Variants in BLZF1 observed in about 807,000 individuals in gnomAD.
BLZF1 encodes the protein golgin-45.
Under a neutral mutation model 43.8 loss-of-function variants are expected in BLZF1, and 39 were observed. The observed-to-expected ratio is 0.89, with a 90% CI of 0.69 to 1.16. The LOEUF is 1.16. Among genes scored for constraint, BLZF1 ranks in the 50% most tolerant of loss-of-function variants. The pLI, the probability that BLZF1 is intolerant of heterozygous loss-of-function variation, is 0.00. For missense variants in BLZF1, 449 were observed against 469.8 expected (o/e 0.96, Z 0.41); for synonymous variants, 136 against 159.4 (o/e 0.85, Z 1.11).
intron 6 of BLZF1, among the ~76,000 whole-genome samples, chr1:169,383,061 T>C (rs1654572809): frequency 6.6e-6 from 1 of 152,204 alleles, no homozygotes; most frequent in South Asian, 2.1e-4. Context: ...ATAAGTGCCT[T>C]ACTGCCTTAT....
downstream of BLZF1, among the ~76,000 whole-genome samples, chr1:169,390,391 C>CAGTT (rs1223843691): frequency 6.6e-6 from 1 of 152,062 alleles, no homozygotes; most frequent in Non-Finnish European, 1.5e-5. Flanking sequence ...AAGAAGTCAA[C>CAGTT]AGTTAGTTCT....
At chr1:169,383,688 C>G (rs1654589135) in intron 6 of BLZF1, among the ~76,000 whole-genome samples, 1 of 152,092 alleles carries the variant, frequency 6.6e-6, no homozygotes, top group South Asian at 2.1e-4. Flanking sequence ...ATCACTCTTT[C>G]TTGGCCCTGA....
downstream of BLZF1, among the ~76,000 whole-genome samples, chr1:169,388,745 G>C (rs1188401016): frequency 6.6e-6 from 1 of 152,156 alleles, no homozygotes; most frequent in African/African-American, 2.4e-5. Flanking sequence ...AGCACTTTGG[G>C]AGGCTGAGGC....
At chr1:169,386,016 T>C (rs1290207625) in intron 6 of BLZF1, among the ~76,000 whole-genome samples, 2 of 152,156 alleles carry the variant, frequency 1.3e-5, no homozygotes, top group Admixed American at 6.5e-5. Flanking sequence ...ACTGGGAAAA[T>C]AGGAACATGA....
At chr1:169,377,719 A>G (rs1192109381) in intron 3 of BLZF1, among the ~76,000 whole-genome samples, 1 of 152,032 alleles carries the variant, frequency 6.6e-6, no homozygotes, top group African/African-American at 2.4e-5. Flanking sequence ...ATTTAGTGTC[A>G]CAACCCACTT....
At chr1:169,370,618 G>A (rs1557845047) in intron 2 of BLZF1, among the ~76,000 whole-genome samples, 1 of 152,174 alleles carries the variant, frequency 6.6e-6, no homozygotes, top group African/African-American at 2.4e-5. Context: ...CAAGTGGTCG[G>A]TAGGCAAATA....
At chr1:169,378,601 A>C in intron 4 of BLZF1, 72 bp downstream of exon 4, 1 of 1,446,706 alleles carries the variant, frequency 6.9e-7, no homozygotes, top group Non-Finnish European at 9.6e-7. Flanking sequence ...ATAACACAAG[A>C]AAGTAGATTG....
chr1:169,382,816 C>CT (rs1414223213), intron 6 of BLZF1, among the ~76,000 whole-genome samples: 2 of 152,188 alleles, frequency 1.3e-5, no homozygotes, highest in African/African-American at 2.4e-5. Flanking sequence ...GGGTCCCTGC[C>CT]TGTCGCCATA....
intron 3 of BLZF1, among the ~76,000 whole-genome samples, chr1:169,377,816 C>A (rs945743477): frequency 1.1e-4 from 16 of 151,894 alleles, no homozygotes. Flanking sequence ...AATAGCTATA[C>A]CATATACCAA....
chr1:169,369,575 T>A (rs774758800), intron 2 of BLZF1, 25 bp downstream of exon 2: 1 of 1,556,190 alleles, frequency 6.4e-7, no homozygotes, highest in South Asian at 1.1e-5. Flanking sequence ...TATAATTGTT[T>A]TTAAAACATG....
intron 3 of BLZF1, 52 bp from the exon 4 acceptor site, chr1:169,378,278 A>C: frequency 2.0e-6 from 3 of 1,533,980 alleles, no homozygotes; most frequent in Non-Finnish European, 2.7e-6. Flanking sequence ...TTGTTACATT[A>C]AAGTTAGTGA....
Position 169,376,810 on chromosome 1 carries a change from A to C in BLZF1, c.299A>C (p.Lys100Thr). The change falls in exon 3 of 7, where the codon AAG becomes ACG. Residue 100 changes from lysine (K) to threonine (T), a missense_variant. Coordinates refer to ENST00000367808, the MANE Select transcript of BLZF1 (RefSeq NM_001320973.2). ...ATCCCCAACAAAAATACAAAGGTTA[A>C]GTCTCTGGGACATCATAAAGGAGAA... is the stretch of plus-strand genomic sequence containing the variant. ...HDIPNKNTKV[K>T]SLGHHKGEFL... 1 of 1,613,486 alleles carries C rather than the reference A, an allele frequency of 6.2e-7. No homozygotes were observed. The highest frequency in any genetic ancestry group is 1.1e-5 in the South Asian group (1 of 91,062).
At chr1:169,382,427 A>G in intron 6 of BLZF1, 146 bp downstream of exon 6, 1 of 677,244 alleles carries the variant, frequency 1.5e-6, no homozygotes, top group East Asian at 2.7e-5. Context: ...ATCTTGGAGA[A>G]AATTATTTCC....
chr1:169,378,410 GAA>G lies in BLZF1; in HGVS notation c.553_554del (p.Asn185SerfsTer7). The G allele has an allele frequency of 2.5e-6, 4 of 1,612,994 alleles. No homozygotes were observed. The highest frequency in any genetic ancestry group is 3.4e-6 in the Non-Finnish European group (4 of 1,179,184). On this transcript the variant is annotated frameshift_variant, in exon 4 of 7. Transcript: ENST00000367808. LOFTEE classifies it high-confidence loss of function. ...ATCACTTTGAACGTCTAGCCCGTGAGAAAAATCAGCTTATTTTAGAAAATGAA... is the reference window on the plus strand; with the variant it reads ...ATCACTTTGAACGTCTAGCCCGTGAGAAATCAGCTTATTTTAGAAAATGAA... ...QYHFERLARE[K>X]NQLILENEAL...
In BLZF1 at chr1:169,376,934, A is replaced by G. The variant is rs971332468; in HGVS notation, c.423A>G (p.Leu141=). Residue 141 remains leucine, a synonymous_variant, in exon 3 of 7, where the codon CTA becomes CTG. Coordinates refer to ENST00000367808, the MANE Select transcript of BLZF1 (RefSeq NM_001320973.2). ...TCAAGAATTCTGAAAGAAGGTTACT[A>G]CAGGACAAAGAAGGTCTTTCAAACC... ...EKLKNSERRL[L]QDKEGLSNQL... 7 of 1,613,166 alleles carry G rather than the reference A, an allele frequency of 4.3e-6. No individual in the cohort carries two copies. The African/African-American group carries it at 8.0e-5, about 18-fold the overall frequency.
At position 169,387,889 on chromosome 1, in the gene BLZF1, T is replaced by G. The variant is rs916828387; in HGVS notation, c.*707T>G. 7.2e-5 allele frequency: 11 copies of G among 152,194 alleles called. No individual in the cohort carries two copies. Among genetic ancestry groups the G allele is most frequent in the African/African-American group, 2.7e-4 (11 of 41,456 alleles). 9.4% of individuals were successfully genotyped at this position (152,194 alleles called of 1,614,324 possible). On this transcript the variant is annotated 3_prime_UTR_variant, in exon 7 of 7. Coordinates refer to ENST00000367808, the MANE Select transcript of BLZF1 (RefSeq NM_001320973.2). Reference sequence around the variant, plus strand: ...TAGTTTTATGCAGGGGATTCTGTATTCCAAATGGATACAATCCGACATATA... The same window carrying G: ...TAGTTTTATGCAGGGGATTCTGTATGCCAAATGGATACAATCCGACATATA...
At chr1:169,380,448 C>A in intron 4 of BLZF1, 33 bp from the exon 5 acceptor site, 1 of 1,595,002 alleles carries the variant, frequency 6.3e-7, no homozygotes, top group Non-Finnish European at 8.6e-7. Context: ...TTATTGTCAG[C>A]AAATTTATAT....
chr1:169,395,158 G>A, intron 7 of BLZF1: 1 of 1,613,108 alleles, frequency 6.2e-7, no homozygotes, highest in Non-Finnish European at 8.5e-7. Flanking sequence ...TTCTCTCTCT[G>A]ACAGCTTGTT....
intron 4 of BLZF1, among the ~76,000 whole-genome samples, chr1:169,379,344 C>T (rs1654458036): frequency 6.6e-6 from 1 of 151,924 alleles, no homozygotes; most frequent in African/African-American, 2.4e-5. Flanking sequence ...ATCTCTGACA[C>T]TTTGTAGTAG....
Sources: gnomAD v4.1 joint callset for allele counts (sites outside exome capture counted in the v4.1 genomes callset) on GRCh38, gnomAD v4.1.1 for gene constraint, MANE v1.5 for transcripts, NCBI Gene and HGNC (gene_info 2026-07-23, HGNC 2026-07-21) for gene names.